SCAF4: variants seen among roughly 807,000 people sequenced by gnomAD.
The protein encoded by SCAF4 is SR-related CTD associated factor 4, also known as SR-related and CTD-associated factor 4.
In SCAF4, 25 loss-of-function variants were observed where a neutral mutation model predicts 129.8. That is an observed-to-expected ratio of 0.19 (90% confidence interval 0.14 to 0.27). SCAF4 has a LOEUF of 0.27. Ranked by LOEUF, SCAF4 falls within the 10% of genes least tolerant of loss-of-function variation. SCAF4 has a pLI of 1.00. For missense variants in SCAF4, 1,246 were observed against 1,457.1 expected, an observed-to-expected ratio of 0.86 and a Z score of 2.36; for synonymous variants, 551 against 497.7, an observed-to-expected ratio of 1.11 and a Z score of -1.43.
chr21:31,681,914 G>C (rs139854038), intron 19 of SCAF4, among the ~76,000 whole-genome samples: 1 of 152,010 alleles, frequency 6.6e-6, no homozygotes. Context: ...TTGGTGCCTA[G>C]TACTTTAAAA....
At chr21:31,695,610 C>T (rs1237486527) in intron 9 of SCAF4, among the ~76,000 whole-genome samples, 5 of 152,044 alleles carry the variant, frequency 3.3e-5, no homozygotes, top group Admixed American at 3.3e-4. Context: ...TGCTTCCCAC[C>T]CCATCCCCAT....
At chr21:31,699,859 G>A (rs2123571731) in intron 7 of SCAF4, among the ~76,000 whole-genome samples, 1 of 152,284 alleles carries the variant, frequency 6.6e-6, no homozygotes, top group East Asian at 1.9e-4. Context: ...GAAGCTCTAA[G>A]CTGTTCAGCA....
At chr21:31,707,006 A>AT (rs2050680852) in intron 1 of SCAF4, 1 of 301,372 alleles carries the variant, frequency 3.3e-6, no homozygotes, top group South Asian at 2.8e-5. Context: ...AGTTCATCCC[A>AT]TTTTTTATGT....
At chr21:31,701,479 G>A (rs118016370) in intron 6 of SCAF4, among the ~76,000 whole-genome samples, 162 of 152,270 alleles carry the variant, frequency 1.1e-3, no homozygotes, top group Admixed American at 2.4e-3. Context: ...AATTCTCTCC[G>A]TTAAAAATAA....
intron 1 of SCAF4, among the ~76,000 whole-genome samples, chr21:31,727,326 C>T (rs1380004169): frequency 6.6e-6 from 1 of 152,122 alleles, no homozygotes; most frequent in African/African-American, 2.4e-5. Flanking sequence ...GATTCACCCG[C>T]CTTGGGCTCC....
intron 1 of SCAF4, among the ~76,000 whole-genome samples, chr21:31,727,079 CT>C (rs201647316): frequency 0.025 from 3,752 of 151,864 alleles, 154 homozygotes; most frequent in African/African-American, 0.086. Flanking sequence ...TATTTTTGTA[CT>C]TTTTTTTCTT....
intron 12 of SCAF4, 46 bp from the exon 13 acceptor site, chr21:31,692,495 A>G: frequency 2.4e-6 from 3 of 1,272,146 alleles, no homozygotes; most frequent in South Asian, 2.4e-5. Flanking sequence ...TTTGATAATG[A>G]GCAGCACTGT....
At chr21:31,704,621 C>CAT (rs2050611709) in intron 3 of SCAF4, among the ~76,000 whole-genome samples, 1 of 152,074 alleles carries the variant, frequency 6.6e-6, no homozygotes, top group African/African-American at 2.4e-5. Flanking sequence ...CAACTGTTTA[C>CAT]GATAAACTCA....
chr21:31,716,097 A>G (rs2050914918), intron 1 of SCAF4, among the ~76,000 whole-genome samples: 3 of 152,180 alleles, frequency 2.0e-5, no homozygotes, highest in African/African-American at 7.2e-5. Flanking sequence ...AAGAATTAGA[A>G]GACTATATAC....
chr21:31,671,363 G>A lies in SCAF4; in HGVS notation c.*36C>T, dbSNP rs377064841. On this transcript the variant is annotated 3_prime_UTR_variant, in exon 20 of 20. Coordinates refer to ENST00000286835, the MANE Select transcript of SCAF4 (RefSeq NM_020706.2). ...GTACACCTCAAGCTCTACACTCCAG[G>A]AAGTGTCACTGTCACATTTTCACAA... 5.0e-6 allele frequency: 8 copies of A among 1,595,174 alleles called. No individual in the cohort carries two copies. The highest frequency in any genetic ancestry group is 1.7e-6 in the Non-Finnish European group (2 of 1,170,904).
chr21:31,721,619 G>T (rs1398380615), intron 1 of SCAF4, among the ~76,000 whole-genome samples: 1 of 152,096 alleles, frequency 6.6e-6, no homozygotes, highest in Admixed American at 6.5e-5. Context: ...TGAGGCAAGA[G>T]GAGCAGTCCA....
intron 9 of SCAF4, 130 bp from the exon 10 acceptor site, chr21:31,695,110 T>G: frequency 1.4e-6 from 1 of 723,824 alleles, no homozygotes; most frequent in Non-Finnish European, 2.2e-6. Flanking sequence ...TCAACATTGT[T>G]TAACAATTTC....
chr21:31,674,217 C>A (rs572263745), intron 19 of SCAF4, among the ~76,000 whole-genome samples: 2 of 152,216 alleles, frequency 1.3e-5, no homozygotes, highest in Admixed American at 6.5e-5. Flanking sequence ...GACTGAAGGA[C>A]CACATCTCTT....
rs1568851332 is a variant in SCAF4 at position 31,706,279 on chromosome 21, T to C, written c.109A>G (p.Ile37Val). Residue 37 changes from isoleucine (I) to valine (V), a missense_variant, in exon 2 of 20, where the codon ATT becomes GTT. Physicochemically the swap from Ile to Val is conservative, Grantham distance 29 (BLOSUM62 3). Transcript: ENST00000286835. Reference sequence around the variant, plus strand: ...TTGCTTTATTTTATCATTACCTTAATAGCTTTAATAGCAGCTTTAGTGATG... The same window carrying C: ...TTGCTTTATTTTATCATTACCTTAACAGCTTTAATAGCAGCTTTAGTGATG... ...ILITKAAIKA[I>V]KLYKHVVQIV... 6.4e-7 allele frequency: 1 copy of C among 1,573,142 alleles called. No individual in the cohort carries two copies. The highest frequency in any genetic ancestry group is 8.7e-7 in the Non-Finnish European group (1 of 1,148,190).
rs745697205 is a variant in SCAF4 at position 31,671,609 on chromosome 21, C to T, written c.3234G>A (p.Lys1078=). The change falls in exon 20 of 20, where the codon AAG becomes AAA. Residue 1078 remains lysine (K), a synonymous_variant. Coordinates refer to ENST00000286835, the MANE Select transcript of SCAF4 (RefSeq NM_020706.2). ...SRREKEEARG[K]EKPEVTDRAG... is the part of the protein sequence containing the mutation. ...CCCTGTCTGTCACCTCAGGCTTTTCCTTTCCTCGGGCTTCTTCCTTCTCTC... is the reference window on the plus strand; with the variant it reads ...CCCTGTCTGTCACCTCAGGCTTTTCTTTTCCTCGGGCTTCTTCCTTCTCTC... 2.5e-6 allele frequency: 4 copies of T among 1,614,144 alleles called. No homozygotes were observed. Among genetic ancestry groups the T allele is most frequent in the Non-Finnish European group, 1.7e-6 (2 of 1,180,028 alleles).
chr21:31,701,840 T>A lies in SCAF4; in HGVS notation c.536A>T (p.Gln179Leu). Reference sequence around the variant, plus strand: ...AGCAAAAGCATCAGAGCTGGGCAACTGTGGTACAGCTGGGACGGAGTTTGG... The same window carrying A: ...AGCAAAAGCATCAGAGCTGGGCAACAGTGGTACAGCTGGGACGGAGTTTGG... ...ATPNSVPAVP[Q>L]LPSSDAFAAV... The change falls in exon 6 of 20, where the codon CAG becomes CTG. Residue 179 changes from glutamine (Q) to leucine (L), a missense_variant. By Grantham distance (113) the Gln-to-Leu change is moderately radical. Transcript: ENST00000286835. 6.2e-7 allele frequency: 1 copy of A among 1,614,098 alleles called. No individual in the cohort carries two copies.
chr21:31,671,394 A>G lies in SCAF4; in HGVS notation c.*5T>C. Reference sequence around the variant, plus strand: ...TCACTGTCACATTTTCACAAATTCCAGTCTCTAACGAGGAGCCTCTGCTGC... The same window carrying G: ...TCACTGTCACATTTTCACAAATTCCGGTCTCTAACGAGGAGCCTCTGCTGC... On this transcript the variant is annotated 3_prime_UTR_variant, in exon 20 of 20. Coordinates refer to ENST00000286835, the MANE Select transcript of SCAF4 (RefSeq NM_020706.2). 6.2e-7 allele frequency: 1 copy of G among 1,610,978 alleles called. No individual in the cohort carries two copies. The highest frequency in any genetic ancestry group is 8.5e-7 in the Non-Finnish European group (1 of 1,178,302).
chr21:31,690,672 G>C, intron 15 of SCAF4, 125 bp downstream of exon 15: 1 of 752,718 alleles, frequency 1.3e-6, no homozygotes. Context: ...TGGAGATACT[G>C]ACACAGGAGG....
chr21:31,732,011 T>A lies in SCAF4; in HGVS notation c.-319A>T, dbSNP rs1166173443. 6.4e-6 allele frequency: 3 copies of A among 470,452 alleles called. No individual in the cohort carries two copies. Among genetic ancestry groups the A allele is most frequent in the Non-Finnish European group, 1.1e-5 (3 of 271,646 alleles). 29.1% of individuals were successfully genotyped at this position (470,452 alleles called of 1,614,324 possible). The stretch of plus-strand genomic sequence containing the variant: ...CTCGCTGACACGGCCCCCCGCGCCC[T>A]CACGCACTGGCTCACACTGGCCCGG... On this transcript the variant is annotated 5_prime_UTR_variant, in exon 1 of 20. Transcript: ENST00000286835.
Sources: allele counts gnomAD v4.1 joint callset (sites outside exome capture counted in the v4.1 genomes callset), GRCh38; gene constraint gnomAD v4.1.1; transcripts MANE v1.5; gene names NCBI Gene and HGNC (gene_info 2026-07-23, HGNC 2026-07-21).